The following PPP2R2B variants were observed in gnomAD, a reference collection of about 807,000 sequenced individuals.
The protein encoded by PPP2R2B is protein phosphatase 2 regulatory subunit Bbeta, also known as serine/threonine-protein phosphatase 2A 55 kDa regulatory subunit B beta isoform.
A neutral mutation model predicts 46.0 loss-of-function variants in PPP2R2B; 5 were observed. The ratio of observed to expected loss-of-function variants is 0.11; its 90% CI spans 0.06 to 0.23. The LOEUF (loss-of-function observed/expected upper bound fraction) is 0.23, where lower values mean the gene tolerates loss of function less well. Ranked by LOEUF, PPP2R2B falls within the 10% of genes least tolerant of loss-of-function variation. The pLI is 1.00. For missense variants in PPP2R2B, 367 were observed against 575.0 expected, an observed-to-expected ratio of 0.64 and a Z score of 3.70; for synonymous variants, 215 against 206.7, an observed-to-expected ratio of 1.04 and a Z score of -0.34.
At chr5:146,859,449 TGCCAAA>T (rs1407762669) in intron 2 of PPP2R2B, among the ~76,000 whole-genome samples, 3 of 152,154 alleles carry the variant, frequency 2.0e-5, no homozygotes, top group Non-Finnish European at 1.5e-5. Flanking sequence ...CTATCAGCAG[TGCCAAA>T]GACAACTGAA....
chr5:146,646,158 T>C (rs1209689366), intron 6 of PPP2R2B, among the ~76,000 whole-genome samples: 2 of 152,182 alleles, frequency 1.3e-5, no homozygotes, highest in African/African-American at 4.8e-5. Flanking sequence ...CAAATTTGTT[T>C]TTTCCCATTT....
chr5:146,837,594 G>T (rs1387287041), intron 2 of PPP2R2B, among the ~76,000 whole-genome samples: 1 of 152,108 alleles, frequency 6.6e-6, no homozygotes, highest in African/African-American at 2.4e-5. Context: ...AGTAAAAAAA[G>T]GTAAAATTAA....
intron 2 of PPP2R2B, among the ~76,000 whole-genome samples, chr5:146,779,554 A>G (rs2151280610): frequency 6.6e-6 from 1 of 152,314 alleles, no homozygotes; most frequent in East Asian, 1.9e-4. Context: ...TCATAGTGGT[A>G]CCACTGAAGC....
intron 1 of PPP2R2B, among the ~76,000 whole-genome samples, chr5:146,988,604 A>G (rs1374196317): frequency 6.6e-6 from 1 of 152,020 alleles, no homozygotes; most frequent in Non-Finnish European, 1.5e-5. Flanking sequence ...AACCTATGGG[A>G]TACAGTAAAA....
intron 2 of PPP2R2B, among the ~76,000 whole-genome samples, chr5:146,763,444 G>T (rs1754286447): frequency 6.6e-6 from 1 of 152,128 alleles, no homozygotes; most frequent in African/African-American, 2.4e-5. Context: ...CCCAAGAGTG[G>T]TATGACTCTT....
chr5:146,900,870 C>T (rs760128371), intron 1 of PPP2R2B, among the ~76,000 whole-genome samples: 14 of 151,700 alleles, frequency 9.2e-5, no homozygotes, highest in Admixed American at 2.6e-4. Flanking sequence ...CATTCAGCTC[C>T]CACTTAAAAG....
intron 2 of PPP2R2B, among the ~76,000 whole-genome samples, chr5:146,743,913 G>A (rs1753022508): frequency 6.6e-6 from 1 of 152,150 alleles, no homozygotes; most frequent in Admixed American, 6.5e-5. Context: ...CCAATGATGT[G>A]CAAAAGTGGG....
chr5:147,024,184 T>C (rs1415572117), intron 1 of PPP2R2B, among the ~76,000 whole-genome samples: 2 of 152,024 alleles, frequency 1.3e-5, no homozygotes, highest in Admixed American at 1.3e-4. Context: ...TCTATCTATC[T>C]ATCTATCTAT....
At chr5:147,023,093 A>C (rs1048476110) in intron 1 of PPP2R2B, among the ~76,000 whole-genome samples, 2 of 152,188 alleles carry the variant, frequency 1.3e-5, no homozygotes, top group African/African-American at 4.8e-5. Context: ...ATTATGCCAT[A>C]TGTACATATA....
chr5:147,011,329 A>G (rs1194198853), intron 1 of PPP2R2B, among the ~76,000 whole-genome samples: 4 of 151,806 alleles, frequency 2.6e-5, no homozygotes, highest in African/African-American at 9.7e-5. Flanking sequence ...GGAGCTTTCC[A>G]TTTTCTTCCA....
intron 2 of PPP2R2B, among the ~76,000 whole-genome samples, chr5:146,868,555 T>C (rs1761441645): frequency 6.6e-6 from 1 of 152,244 alleles, no homozygotes; most frequent in Non-Finnish European, 1.5e-5. Context: ...TTATAGTAGC[T>C]TAGGAAACTG....
At chr5:146,860,125 T>C (rs1417645942) in intron 2 of PPP2R2B, among the ~76,000 whole-genome samples, 1 of 152,224 alleles carries the variant, frequency 6.6e-6, no homozygotes, top group Non-Finnish European at 1.5e-5. Flanking sequence ...AATTGCTTTG[T>C]GATGTGGCAC....
In PPP2R2B at chr5:146,954,754, A is replaced by ATGTGTG. The variant is rs1298534321; in HGVS notation, c.79+100910_79+100911insCACACA. Among the ~76,000 whole-genome samples the ATGTGTG allele has an allele frequency of 2.7e-4, 24 of 87,862 alleles. No homozygotes were observed. In the East Asian group the frequency reaches 3.7e-3, roughly 14 times the overall value. The allele number at this position is 87,862 out of a possible 152,430, so 57.6% of individuals were successfully genotyped here. A position where few individuals can be genotyped will look rare whatever the true frequency, so the allele number is the denominator to read the frequency against. On this transcript the variant is annotated intron_variant, in intron 1 of 8. Transcript: ENST00000336640. The stretch of plus-strand genomic sequence containing the variant: ...TGTATACATATATGAATATGTGTAT[A>ATGTGTG]TATGTGTGTGTGTGTGTGTGTGTGT...
chr5:146,928,201 T>A lies in PPP2R2B; in HGVS notation c.79+127464A>T, dbSNP rs578083759. Among the ~76,000 whole-genome samples the A allele has an allele frequency of 2.0e-5, 3 of 152,330 alleles. No homozygotes were observed. In the East Asian group the frequency reaches 5.8e-4, roughly 29 times the overall value. On this transcript the variant is annotated intron_variant, in intron 1 of 8. Coordinates refer to the PPP2R2B transcript ENST00000336640. Reference sequence around the variant, plus strand: ...CAGTTTTTCTTCTGAACCTTTGCACTTATTCCTTTGGTGATTTCATCGATT... The same window carrying A: ...CAGTTTTTCTTCTGAACCTTTGCACATATTCCTTTGGTGATTTCATCGATT...
At chr5:146,699,661 G>GTTGTT (rs1779418628) in intron 3 of PPP2R2B, among the ~76,000 whole-genome samples, 1 of 118,056 alleles carries the variant, frequency 8.5e-6, no homozygotes, top group Non-Finnish European at 1.7e-5. Flanking sequence ...AACTTAATTG[G>GTTGTT]TTTTTTTTTT....
At chr5:146,764,964 C>CGGCCGGGCGCGGTGG (rs1754390239) in intron 2 of PPP2R2B, among the ~76,000 whole-genome samples, 1 of 152,070 alleles carries the variant, frequency 6.6e-6, no homozygotes, top group Non-Finnish European at 1.5e-5. Context: ...ATTTAATTAT[C>CGGCCGGGCGCGGTGG]CTCAGGTATA....
At chr5:146,757,928 A>G (rs1753934160) in intron 2 of PPP2R2B, among the ~76,000 whole-genome samples, 1 of 152,166 alleles carries the variant, frequency 6.6e-6, no homozygotes, top group South Asian at 2.1e-4. Flanking sequence ...ATGCACCTTG[A>G]AGGCTTGGTC....
intron 7 of PPP2R2B, among the ~76,000 whole-genome samples, chr5:146,604,595 G>A (rs1411516317): frequency 1.3e-5 from 2 of 152,200 alleles, no homozygotes; most frequent in Non-Finnish European, 2.9e-5. Context: ...AGGAGCGTAT[G>A]TCTTGGAGAC....
At chr5:146,609,552 G>A (rs565726558) in intron 7 of PPP2R2B, among the ~76,000 whole-genome samples, 1 of 151,870 alleles carries the variant, frequency 6.6e-6, no homozygotes, top group East Asian at 1.9e-4. Flanking sequence ...CGCAGAAGAC[G>A]GGTGATTTCT....
Sources: gnomAD v4.1 joint callset for allele counts (sites outside exome capture counted in the v4.1 genomes callset) on GRCh38, gnomAD v4.1.1 for gene constraint, MANE v1.5 for transcripts, NCBI Gene and HGNC (gene_info 2026-07-23, HGNC 2026-07-21) for gene names.